The following ROBO2 variants were observed in gnomAD, a reference collection of about 807,000 sequenced individuals.
ROBO2 encodes the protein roundabout guidance receptor 2, also known as roundabout homolog 2.
In ROBO2, 53 loss-of-function variants were observed where a neutral mutation model predicts 160.8. The ratio of observed to expected loss-of-function variants is 0.33; its 90% confidence interval spans 0.26 to 0.41. The LOEUF is 0.41. Ranked by LOEUF, ROBO2 falls within the 10% of genes least tolerant of loss-of-function variation. The probability of loss-of-function intolerance (pLI) is 1.00; values close to 1 mark genes in which losing one functional copy is unlikely to be tolerated. For missense variants in ROBO2, 1,577 were observed against 1,722.4 expected (o/e 0.92, Z 1.49); for synonymous variants, 664 against 611.7 (o/e 1.09, Z -1.26).
intron 2 of ROBO2, among the ~76,000 whole-genome samples, chr3:76,663,572 A>G (rs1019811202): frequency 2.6e-5 from 4 of 152,174 alleles, no homozygotes; most frequent in Non-Finnish European, 5.9e-5. Context: ...CAAGTGACTG[A>G]TCATAACATA....
At chr3:75,940,764 A>G (rs1332211792) in intron 2 of ROBO2, among the ~76,000 whole-genome samples, 1 of 152,160 alleles carries the variant, frequency 6.6e-6, no homozygotes, top group Non-Finnish European at 1.5e-5. Context: ...CTTTGGGAGA[A>G]TCTAGATAAA....
intron 2 of ROBO2, among the ~76,000 whole-genome samples, chr3:77,208,263 C>A (rs931813976): frequency 2.6e-5 from 4 of 152,286 alleles, no homozygotes; most frequent in African/African-American, 9.6e-5. Context: ...GAATATATTT[C>A]TTTCATCTAT....
intron 2 of ROBO2, among the ~76,000 whole-genome samples, chr3:76,364,895 C>T (rs2075723801): frequency 6.6e-6 from 1 of 152,038 alleles, no homozygotes; most frequent in African/African-American, 2.4e-5. Flanking sequence ...CATTAGTTTG[C>T]ATCTCATCTG....
At chr3:76,758,935 G>T (rs947276632) in intron 2 of ROBO2, among the ~76,000 whole-genome samples, 1 of 151,774 alleles carries the variant, frequency 6.6e-6, no homozygotes, top group Non-Finnish European at 1.5e-5. Flanking sequence ...ATGAAATTTT[G>T]TCCTAAATTT....
intron 2 of ROBO2, among the ~76,000 whole-genome samples, chr3:77,379,775 G>A (rs2073191340): frequency 6.6e-6 from 1 of 152,174 alleles, no homozygotes; most frequent in South Asian, 2.1e-4. Flanking sequence ...AGCTTCAGCA[G>A]GATCTCTTCC....
intron 2 of ROBO2, among the ~76,000 whole-genome samples, chr3:77,397,390 C>T (rs971427434): frequency 1.3e-5 from 2 of 152,132 alleles, no homozygotes; most frequent in African/African-American, 4.8e-5. Context: ...ATATTTGTTT[C>T]TATAGTGAAG....
chr3:77,478,880 C>T (rs1191614768), intron 3 of ROBO2, among the ~76,000 whole-genome samples: 2 of 152,066 alleles, frequency 1.3e-5, no homozygotes, highest in Non-Finnish European at 2.9e-5. Flanking sequence ...GATATTTTTT[C>T]CCTTCACCCT....
chr3:77,174,229 A>T (rs533901449), intron 2 of ROBO2, among the ~76,000 whole-genome samples: 1 of 152,056 alleles, frequency 6.6e-6, no homozygotes, highest in Non-Finnish European at 1.5e-5. Context: ...CTTGACTAAG[A>T]AAATTCTTCT....
intron 2 of ROBO2, among the ~76,000 whole-genome samples, chr3:77,320,794 A>T (rs539611142): frequency 1.4e-4 from 22 of 152,320 alleles, no homozygotes; most frequent in Admixed American, 2.6e-4. Flanking sequence ...GATTTAAAAA[A>T]ATATATTTTT....
At chr3:76,153,527 A>G (rs768871368) in intron 2 of ROBO2, among the ~76,000 whole-genome samples, 12 of 152,180 alleles carry the variant, frequency 7.9e-5, no homozygotes, top group Non-Finnish European at 1.6e-4. Context: ...AGAACCCTAA[A>G]CCAAAATTTA....
At chr3:76,346,632 C>T (rs148422734) in intron 2 of ROBO2, among the ~76,000 whole-genome samples, 38 of 152,210 alleles carry the variant, frequency 2.5e-4, no homozygotes, top group African/African-American at 8.4e-4. Context: ...GATGACTTAG[C>T]AACCATTTCA....
chr3:76,843,192 AT>A, intron 2 of ROBO2, among the ~76,000 whole-genome samples: 1 of 149,858 alleles, frequency 6.7e-6, no homozygotes, highest in African/African-American at 2.4e-5. Flanking sequence ...TATATAATTT[AT>A]ATTAGATTAT....
chr3:75,945,930 T>C (rs544865394), intron 2 of ROBO2, among the ~76,000 whole-genome samples: 1 of 152,138 alleles, frequency 6.6e-6, no homozygotes, highest in African/African-American at 2.4e-5. Flanking sequence ...TTAATATCTC[T>C]AAGTGGATAC....
intron 2 of ROBO2, among the ~76,000 whole-genome samples, chr3:77,299,019 A>G (rs535874921): frequency 4.1e-4 from 63 of 152,302 alleles, no homozygotes; most frequent in African/African-American, 1.4e-3. Flanking sequence ...TTATTTCATG[A>G]AAAAGGTAGA....
chr3:77,380,445 T>C (rs1373205865), intron 2 of ROBO2, among the ~76,000 whole-genome samples: 2 of 152,120 alleles, frequency 1.3e-5, no homozygotes, highest in Non-Finnish European at 2.9e-5. Flanking sequence ...GACCCAAGTG[T>C]AACGTCATGT....
chr3:76,414,547 A>G (rs1352630756), intron 2 of ROBO2, among the ~76,000 whole-genome samples: 3 of 143,234 alleles, frequency 2.1e-5, no homozygotes, highest in African/African-American at 7.8e-5. Context: ...ATTCTCACTC[A>G]TAGGTGGGAA....
At position 76,713,476 on chromosome 3, in the gene ROBO2, A is replaced by C. The variant is rs576221891; in HGVS notation, c.110-384538A>C. Reference sequence around the variant, plus strand: ...AATTTTCTATGTTCATATTAATAAAATATTTCCGAGGAACTGTATTGGATG... The same window carrying C: ...AATTTTCTATGTTCATATTAATAAACTATTTCCGAGGAACTGTATTGGATG... On this transcript the variant is annotated intron_variant, in intron 2 of 26. Coordinates refer to the ROBO2 transcript ENST00000487694. Among the ~76,000 whole-genome samples, 9 of 152,236 alleles carry C rather than the reference A, an allele frequency of 5.9e-5. No homozygotes were observed. The East Asian group carries it at 1.7e-3, about 29-fold the overall frequency.
At chr3:77,169,077 C>T (rs929899210) in intron 2 of ROBO2, among the ~76,000 whole-genome samples, 5 of 152,182 alleles carry the variant, frequency 3.3e-5, no homozygotes, top group African/African-American at 1.2e-4. Context: ...TAATATAATG[C>T]TCTGATTGCA....
chr3:75,925,714 A>G (rs190338685), intron 1 of ROBO2, among the ~76,000 whole-genome samples: 1 of 152,354 alleles, frequency 6.6e-6, no homozygotes, highest in Admixed American at 6.5e-5. Flanking sequence ...TGTATTTGCC[A>G]GCCACTTATG....
Sources: gnomAD v4.1 joint callset for allele counts (sites outside exome capture counted in the v4.1 genomes callset) on GRCh38, gnomAD v4.1.1 for gene constraint, MANE v1.5 for transcripts, NCBI Gene and HGNC (gene_info 2026-07-23, HGNC 2026-07-21) for gene names.